Variants in SSBP2 observed in about 807,000 individuals in gnomAD.
The protein encoded by SSBP2 is single-stranded DNA-binding protein 2.
SSBP2 carries 17 observed loss-of-function variants against 61.8 expected under a neutral mutation model. That is an observed-to-expected ratio of 0.28 (90% CI 0.19 to 0.41). SSBP2 has a LOEUF of 0.41. Among genes scored for constraint, SSBP2 ranks in the 10% least tolerant of loss-of-function variants. The probability of loss-of-function intolerance (pLI) is 1.00; values close to 1 mark genes in which losing one functional copy is unlikely to be tolerated. For synonymous variants in SSBP2, 139 were observed against 141.3 expected (o/e 0.98, Z 0.12); for missense variants, 310 against 458.7 (o/e 0.68, Z 2.96).
rs1762096472 is a variant in SSBP2, at chr5:81,428,586, C to T, written c.1055G>A (p.Ser352Asn). The T allele has an allele frequency of 1.9e-6, 3 of 1,610,568 alleles. No individual in the cohort carries two copies. Among genetic ancestry groups the T allele is most frequent in the Non-Finnish European group, 1.7e-6 (2 of 1,177,158 alleles). The stretch of plus-strand genomic sequence containing the variant: ...TAATATAGTCAAGGGAATACTTACA[C>T]TCTCACTCTGAAAAGGATTTAAGAA... Residue 352 changes from serine to asparagine, a missense_variant and splice_region_variant, in exon 16 of 17, where the codon AGT becomes AAT. Transcript: ENST00000320672.
At chr5:81,566,510 TC>T (rs560135923) in intron 4 of SSBP2, among the ~76,000 whole-genome samples, 11 of 152,168 alleles carry the variant, frequency 7.2e-5, no homozygotes, top group African/African-American at 2.7e-4. Flanking sequence ...TTGTGAGGCT[TC>T]CCCAGCTACG....
At chr5:81,509,129 C>T (rs983399515) in intron 5 of SSBP2, among the ~76,000 whole-genome samples, 9 of 152,144 alleles carry the variant, frequency 5.9e-5, no homozygotes, top group African/African-American at 2.2e-4. Flanking sequence ...CCAGGAATTC[C>T]CTAATATCCA....
At chr5:81,685,664 G>C (rs1203926458) in intron 1 of SSBP2, among the ~76,000 whole-genome samples, 2 of 152,220 alleles carry the variant, frequency 1.3e-5, no homozygotes, top group South Asian at 4.2e-4. Flanking sequence ...AGGAAGCACA[G>C]GTGTTTTCAC....
intron 1 of SSBP2, among the ~76,000 whole-genome samples, chr5:81,701,845 T>G (rs1288760879): frequency 6.6e-6 from 1 of 152,242 alleles, no homozygotes; most frequent in Non-Finnish European, 1.5e-5. Flanking sequence ...AGAAGAGATA[T>G]AAGTATGCAC....
intron 1 of SSBP2, among the ~76,000 whole-genome samples, chr5:81,745,907 G>C (rs946907021): frequency 2.0e-5 from 3 of 152,058 alleles, no homozygotes; most frequent in African/African-American, 7.2e-5. Flanking sequence ...GCCCCACAGA[G>C]TATGCTCTAA....
intron 14 of SSBP2, among the ~76,000 whole-genome samples, chr5:81,438,677 T>C (rs895629775): frequency 1.3e-5 from 2 of 152,176 alleles, no homozygotes; most frequent in Non-Finnish European, 2.9e-5. Context: ...TAGGTAAAAA[T>C]CTTCTGAAAA....
intron 5 of SSBP2, among the ~76,000 whole-genome samples, chr5:81,493,598 T>C (rs905508369): frequency 1.1e-4 from 16 of 151,848 alleles, no homozygotes; most frequent in Admixed American, 9.2e-4. Flanking sequence ...TAGTAAAAAA[T>C]ACAAAAAATT....
At chr5:81,734,290 T>A (rs1201513374) in intron 1 of SSBP2, among the ~76,000 whole-genome samples, 1 of 152,166 alleles carries the variant, frequency 6.6e-6, no homozygotes, top group Non-Finnish European at 1.5e-5. Flanking sequence ...GTAAAATGAA[T>A]AACATTAACA....
intron 3 of SSBP2, among the ~76,000 whole-genome samples, chr5:81,632,228 A>T (rs1747797642): frequency 6.6e-6 from 1 of 152,196 alleles, no homozygotes; most frequent in Non-Finnish European, 1.5e-5. Context: ...CCAAGAACAA[A>T]TGTACTATAA....
intron 1 of SSBP2, among the ~76,000 whole-genome samples, chr5:81,673,228 G>T (rs1043452705): frequency 3.9e-5 from 6 of 152,164 alleles, no homozygotes; most frequent in African/African-American, 1.4e-4. Context: ...AAGACGTCTT[G>T]ACTTCCCTAA....
At chr5:81,524,993 G>A (rs1769808739) in intron 4 of SSBP2, among the ~76,000 whole-genome samples, 1 of 151,880 alleles carries the variant, frequency 6.6e-6, no homozygotes, top group Non-Finnish European at 1.5e-5. Context: ...CCATAATCTA[G>A]GATTCACCAT....
At chr5:81,593,032 C>A (rs1421616347) in intron 4 of SSBP2, among the ~76,000 whole-genome samples, 1 of 152,116 alleles carries the variant, frequency 6.6e-6, no homozygotes, top group Non-Finnish European at 1.5e-5. Context: ...TTCAGACGAT[C>A]AAACTACTCT....
intron 1 of SSBP2, among the ~76,000 whole-genome samples, chr5:81,669,920 A>G (rs1554109169): frequency 6.6e-6 from 1 of 152,146 alleles, no homozygotes; most frequent in Non-Finnish European, 1.5e-5. Flanking sequence ...TGAAAAGGCT[A>G]CATACTGTAT....
rs963209674 is a variant in SSBP2, at chr5:81,528,305, A to C, written c.283-14588T>G. On this transcript the variant is annotated intron_variant, in intron 4 of 16. Transcript: ENST00000320672. ...AATCTAAGGTAGCTTGTGCTATTTT[A>C]TGTCAAGTAAGTGTATCAAGTTCTC... 3.3e-5 allele frequency among the ~76,000 whole-genome samples: 5 copies of C among 152,228 alleles called. No individual in the cohort carries two copies. In the East Asian group the frequency reaches 9.7e-4, roughly 29 times the overall value.
At chr5:81,525,288 A>C (rs1434831892) in intron 4 of SSBP2, among the ~76,000 whole-genome samples, 3 of 151,906 alleles carry the variant, frequency 2.0e-5, no homozygotes, top group Non-Finnish European at 2.9e-5. Context: ...TCAGGTACTA[A>C]GCCTAGTATC....
chr5:81,723,087 T>C (rs1379096722), intron 1 of SSBP2, among the ~76,000 whole-genome samples: 1 of 151,968 alleles, frequency 6.6e-6, no homozygotes, highest in African/African-American at 2.4e-5. Flanking sequence ...ATTAAAGAAG[T>C]TTTTGAAAGT....
At chr5:81,705,246 A>G (rs1463692143) in intron 1 of SSBP2, among the ~76,000 whole-genome samples, 1 of 152,148 alleles carries the variant, frequency 6.6e-6, no homozygotes, top group Non-Finnish European at 1.5e-5. Flanking sequence ...TATGTTTAAC[A>G]AATTTTTCTA....
At chr5:81,625,569 A>G (rs1747062887) in intron 3 of SSBP2, among the ~76,000 whole-genome samples, 1 of 152,330 alleles carries the variant, frequency 6.6e-6, no homozygotes, top group South Asian at 2.1e-4. Flanking sequence ...ACAGAGAAGC[A>G]AAACTTACAA....
At chr5:81,688,455 C>G (rs1752980290) in intron 1 of SSBP2, among the ~76,000 whole-genome samples, 3 of 152,212 alleles carry the variant, frequency 2.0e-5, no homozygotes, top group African/African-American at 7.2e-5. Flanking sequence ...GTGGTTACCA[C>G]AGGCCTTGGG....
Sources: gnomAD v4.1 joint callset for allele counts (sites outside exome capture counted in the v4.1 genomes callset) on GRCh38, gnomAD v4.1.1 for gene constraint, MANE v1.5 for transcripts, NCBI Gene and HGNC (gene_info 2026-07-23, HGNC 2026-07-21) for gene names.